The following ENKUR variants were observed in gnomAD, a reference collection of about 807,000 sequenced individuals.
ENKUR encodes the protein enkurin, TRPC channel interacting protein.
In ENKUR, 19 loss-of-function variants were observed where a neutral mutation model predicts 27.6. The observed-to-expected ratio is 0.69, with a 90% CI of 0.48 to 1.01. The LOEUF (loss-of-function observed/expected upper bound fraction) is 1.01. Among genes scored for constraint, ENKUR ranks in the 50% least tolerant of loss-of-function variants. The pLI, the probability that ENKUR is intolerant of heterozygous loss-of-function variation, is 0.00. For missense variants in ENKUR, 312 were observed against 310.5 expected, an observed-to-expected ratio of 1.00 and a Z score of -0.04; for synonymous variants, 117 against 96.9, an observed-to-expected ratio of 1.21 and a Z score of -1.22.
chr10:24,987,192 C>G (rs1849799131), intron 4 of ENKUR, among the ~76,000 whole-genome samples: 2 of 152,168 alleles, frequency 1.3e-5, no homozygotes, highest in African/African-American at 2.4e-5. Flanking sequence ...CAGCCCAGCT[C>G]CAGCTCTCAC....
intron 1 of ENKUR, among the ~76,000 whole-genome samples, chr10:25,010,894 A>G (rs939343680): frequency 2.0e-5 from 3 of 151,542 alleles, no homozygotes; most frequent in Admixed American, 1.3e-4. Flanking sequence ...GAATAGTGCC[A>G]CAATAAACAT....
intron 2 of ENKUR, chr10:25,024,393 T>A (rs1384873689): frequency 6.2e-7 from 1 of 1,613,956 alleles, no homozygotes; most frequent in Non-Finnish European, 8.5e-7. Flanking sequence ...TAAATGGTTT[T>A]AGTCGTCTAA....
chr10:24,998,147 C>A (rs1339198780), intron 2 of ENKUR, among the ~76,000 whole-genome samples: 1 of 152,062 alleles, frequency 6.6e-6, no homozygotes, highest in Admixed American at 6.6e-5. Context: ...TTAAATACTG[C>A]CATAAAGAGA....
intron 2 of ENKUR, chr10:25,024,460 A>C: frequency 6.2e-7 from 1 of 1,614,168 alleles, no homozygotes; most frequent in Non-Finnish European, 8.5e-7. Flanking sequence ...GAATGGAGTA[A>C]GTGATTTTCA....
chr10:25,031,426 T>C (rs1161155741), intron 2 of ENKUR, among the ~76,000 whole-genome samples: 1 of 152,184 alleles, frequency 6.6e-6, no homozygotes, highest in Middle Eastern at 3.2e-3. Context: ...TCTTGGAATA[T>C]TGAGCCCTGG....
rs1005473338 is a variant in ENKUR at position 24,982,753 on chromosome 10, T to C, written c.*1617A>G. On this transcript the variant is annotated 3_prime_UTR_variant, in exon 6 of 6. Transcript: ENST00000331161. ...CCTTTCCAGGAACAATGGATGGGAA[T>C]GTTTCCCTCTGAAGGCTCTGTGAAA... 3.3e-5 allele frequency: 5 copies of C among 152,334 alleles called. No individual in the cohort carries two copies. Among genetic ancestry groups the C allele is most frequent in the Non-Finnish European group, 4.4e-5 (3 of 68,070 alleles). 9.4% of individuals were successfully genotyped at this position (152,334 alleles called of 1,614,324 possible). A position where few individuals can be genotyped will look rare whatever the true frequency, so the allele number is the denominator to read the frequency against.
chr10:24,990,977 G>A (rs879546084), intron 3 of ENKUR, among the ~76,000 whole-genome samples: 5 of 152,206 alleles, frequency 3.3e-5, no homozygotes, highest in Non-Finnish European at 5.9e-5. Flanking sequence ...GCATGTGCCA[G>A]TAGTCCCAGC....
intron 2 of ENKUR, chr10:25,025,037 C>A: frequency 6.2e-7 from 1 of 1,614,184 alleles, no homozygotes; most frequent in South Asian, 1.1e-5. Context: ...ATAGAAAAGG[C>A]TCTAGTTGAG....
Position 24,999,436 on chromosome 10 carries a change from A to G in ENKUR, c.188T>C (p.Leu63Pro). The change falls in exon 2 of 6, where the codon CTA (leucine) becomes CCA (proline). Residue 63 changes from leucine to proline, a missense_variant. Transcript: ENST00000331161. Reference protein sequence around the residue: ...KVEVPSPKDFLKKHSKEKTLP... With the variant: ...KVEVPSPKDFPKKHSKEKTLP... Reference sequence around the variant, plus strand: ...AGTTTTTTCCTTTGAATGTTTCTTTAGGAAATCCTTTGGAGAAGGTACTTC... The same window carrying G: ...AGTTTTTTCCTTTGAATGTTTCTTTGGGAAATCCTTTGGAGAAGGTACTTC... 3 of 1,612,092 alleles carry G rather than the reference A, an allele frequency of 1.9e-6. No homozygotes were observed. Among genetic ancestry groups the G allele is most frequent in the Non-Finnish European group, 2.5e-6 (3 of 1,179,456 alleles).
chr10:25,025,119 TA>T (rs1564350922), intron 2 of ENKUR: 30 of 1,614,210 alleles, frequency 1.9e-5, no homozygotes, highest in Non-Finnish European at 2.4e-5. Flanking sequence ...ACTCCACCTA[TA>T]ATACTTCAGG....
chr10:25,033,915 A>G (rs550983819), intron 2 of ENKUR, among the ~76,000 whole-genome samples: 3 of 151,940 alleles, frequency 2.0e-5, no homozygotes, highest in African/African-American at 4.8e-5. Flanking sequence ...ACGTACATCT[A>G]TCTCTCTCTC....
chr10:25,030,564 T>C (rs1048644443), intron 2 of ENKUR, among the ~76,000 whole-genome samples: 4 of 152,168 alleles, frequency 2.6e-5, no homozygotes, highest in Admixed American at 2.6e-4. Flanking sequence ...TAGGATCTTC[T>C]CTTTATGGTC....
chr10:24,985,410 A>T (rs1223293925), intron 4 of ENKUR, among the ~76,000 whole-genome samples: 1 of 152,238 alleles, frequency 6.6e-6, no homozygotes, highest in Non-Finnish European at 1.5e-5. Flanking sequence ...AAATTGCCAA[A>T]ATTCACTTGT....
intron 2 of ENKUR, chr10:25,024,836 A>AT: frequency 2.5e-6 from 4 of 1,614,192 alleles, no homozygotes; most frequent in Non-Finnish European, 3.4e-6. Flanking sequence ...AATCAGAACC[A>AT]TGTTTTGACT....
intron 5 of ENKUR, 26 bp downstream of exon 5, chr10:24,984,710 G>T: frequency 1.9e-6 from 3 of 1,566,602 alleles, no homozygotes; most frequent in East Asian, 2.3e-5. Context: ...CATTGAAATT[G>T]TTATACTTTA....
rs1849749153 is a variant in ENKUR, at chr10:24,984,905, C to T, written c.595G>A (p.Gly199Arg). Residue 199 changes from glycine (G) to arginine (R), a missense_variant and splice_region_variant, in exon 5 of 6, where the codon GGG becomes AGG. Transcript: ENST00000331161. Reference sequence around the variant, plus strand: ...ACCTCTTCCCAGTTCTTTTTCAGCCCCTGCAAATGGTCAAGAAACTTGTAA... The same window carrying T: ...ACCTCTTCCCAGTTCTTTTTCAGCCTCTGCAAATGGTCAAGAAACTTGTAA... ...SDEEREAVLQ[G>R]LKKNWEEVHK... 1 of 1,609,664 alleles carries T rather than the reference C, an allele frequency of 6.2e-7. No homozygotes were observed. The highest frequency in any genetic ancestry group is 8.5e-7 in the Non-Finnish European group (1 of 1,178,470).
At chr10:25,023,668 G>T in intron 2 of ENKUR, 1 of 1,614,054 alleles carries the variant, frequency 6.2e-7, no homozygotes, top group Non-Finnish European at 8.5e-7. Flanking sequence ...GAAGAAAAAT[G>T]GAATAATTGT....
chr10:25,051,243 A>G (rs1851183903), intron 2 of ENKUR, among the ~76,000 whole-genome samples: 1 of 152,248 alleles, frequency 6.6e-6, no homozygotes, highest in South Asian at 2.1e-4. Context: ...TTAATAGAGA[A>G]TAAGCATTTC....
intron 2 of ENKUR, among the ~76,000 whole-genome samples, chr10:25,054,370 G>A (rs534612467): frequency 8.0e-4 from 122 of 152,148 alleles, no homozygotes; most frequent in African/African-American, 2.8e-3. Context: ...TGCAGTGAGC[G>A]GAGATCACGC....
Sources: allele counts gnomAD v4.1 joint callset (sites outside exome capture counted in the v4.1 genomes callset), GRCh38; gene constraint gnomAD v4.1.1; transcripts MANE v1.5; gene names NCBI Gene and HGNC (gene_info 2026-07-23, HGNC 2026-07-21).